ANKFN1: variants seen among roughly 807,000 people sequenced by gnomAD.
ANKFN1 encodes the protein ankyrin repeat and fibronectin type-III domain-containing protein 1.
In ANKFN1, 74 loss-of-function variants were observed where a neutral mutation model predicts 108.7. The observed-to-expected ratio is 0.68, with a 90% CI of 0.56 to 0.83. The LOEUF (loss-of-function observed/expected upper bound fraction) is 0.83. ANKFN1 is among the 40% of genes least tolerant of loss of function. The pLI, the probability that ANKFN1 is intolerant of heterozygous loss-of-function variation, is 0.00. For synonymous variants in ANKFN1, 547 were observed against 516.2 expected, an observed-to-expected ratio of 1.06 and a Z score of -0.81; for missense variants, 1,505 against 1,382.3, an observed-to-expected ratio of 1.09 and a Z score of -1.41.
rs1383996748 is a variant in ANKFN1 at position 56,208,199 on chromosome 17, T to C, written c.-70-4399T>C. 2.6e-5 allele frequency among the ~76,000 whole-genome samples: 4 copies of C among 152,188 alleles called. No individual in the cohort carries two copies. The East Asian group carries it at 7.8e-4, about 30-fold the overall frequency. On this transcript the variant is annotated intron_variant, in intron 1 of 20. Coordinates refer to ENST00000682825, the MANE Select transcript of ANKFN1 (RefSeq NM_001370326.1). ...TGATTTTTTATATTTTTAGTAGAGATGGGGTTTCACCATGTTACCTGACCA... is the reference window on the plus strand; with the variant it reads ...TGATTTTTTATATTTTTAGTAGAGACGGGGTTTCACCATGTTACCTGACCA...
At chr17:56,307,748 G>C (rs12601903) in intron 3 of ANKFN1, among the ~76,000 whole-genome samples, 2 of 152,096 alleles carry the variant, frequency 1.3e-5, no homozygotes, top group South Asian at 4.1e-4. Flanking sequence ...AAAGGATTAT[G>C]AATCATGCTA....
At chr17:56,450,042 T>G (rs913579391) in intron 11 of ANKFN1, among the ~76,000 whole-genome samples, 6 of 152,182 alleles carry the variant, frequency 3.9e-5, no homozygotes, top group Non-Finnish European at 7.3e-5. Context: ...TTTGGAGAAT[T>G]AAAGCCTACA....
chr17:56,434,592 T>TA (rs1449082259), intron 8 of ANKFN1, among the ~76,000 whole-genome samples: 4 of 152,178 alleles, frequency 2.6e-5, no homozygotes, highest in Middle Eastern at 6.8e-3. Context: ...GAATTTAAAA[T>TA]AAAAAATGCA....
At chr17:56,104,274 CA>C (rs1297513350) in intron 4 of ANKFN1, among the ~76,000 whole-genome samples, 5 of 152,178 alleles carry the variant, frequency 3.3e-5, no homozygotes, top group African/African-American at 1.2e-4. Flanking sequence ...CAAGGCATTC[CA>C]ATACTTTCTT....
chr17:56,266,180 C>G lies in ANKFN1; in HGVS notation c.53+38223C>G, dbSNP rs567421201. Among the ~76,000 whole-genome samples the G allele has an allele frequency of 3.3e-5, 5 of 152,286 alleles. No individual in the cohort carries two copies. The South Asian group carries it at 1.0e-3, about 32-fold the overall frequency. ...ATTTGGAAATACAATCATTTGAACC[C>G]TGGGCTATTTATTGTCTCTTTAATT... On this transcript the variant is annotated intron_variant, in intron 3 of 20. Coordinates refer to ENST00000682825, the MANE Select transcript of ANKFN1 (RefSeq NM_001370326.1).
chr17:56,492,808 T>C (rs184771619), intron 19 of ANKFN1, among the ~76,000 whole-genome samples: 155 of 152,304 alleles, frequency 1.0e-3, no homozygotes, highest in Admixed American at 3.2e-3. Context: ...TGGGCTTCTT[T>C]CTCACAGAAT....
At chr17:56,382,353 C>T (rs1444521927) in intron 8 of ANKFN1, among the ~76,000 whole-genome samples, 7 of 152,176 alleles carry the variant, frequency 4.6e-5, no homozygotes, top group Non-Finnish European at 8.8e-5. Flanking sequence ...AAGGAACAAC[C>T]GGTACCAGCC....
chr17:56,480,526 A>G, intron 16 of ANKFN1, 142 bp from the exon 17 acceptor site: 1 of 887,328 alleles, frequency 1.1e-6, no homozygotes, highest in Non-Finnish European at 1.7e-6. Context: ...TGGGTGGCAA[A>G]ATGTTCAAAT....
At chr17:56,420,504 C>A (rs191881319) in intron 8 of ANKFN1, among the ~76,000 whole-genome samples, 24 of 152,168 alleles carry the variant, frequency 1.6e-4, no homozygotes, top group Admixed American at 1.4e-3. Flanking sequence ...GATATACTAT[C>A]TTTAGTATGA....
At chr17:56,416,548 G>C (rs892752642) in intron 8 of ANKFN1, among the ~76,000 whole-genome samples, 1 of 152,148 alleles carries the variant, frequency 6.6e-6, no homozygotes, top group Non-Finnish European at 1.5e-5. Context: ...CCAAAAGATA[G>C]GCAATAACAA....
At chr17:56,279,553 G>T (rs913369291) in intron 3 of ANKFN1, among the ~76,000 whole-genome samples, 2 of 152,038 alleles carry the variant, frequency 1.3e-5, no homozygotes, top group African/African-American at 4.8e-5. Flanking sequence ...TAACACACCT[G>T]GTCCTAATGC....
chr17:56,424,948 A>G (rs1029158441), intron 8 of ANKFN1, among the ~76,000 whole-genome samples: 1 of 152,190 alleles, frequency 6.6e-6, no homozygotes, highest in African/African-American at 2.4e-5. Context: ...AGATGGTGAC[A>G]GCTACATAAA....
At chr17:56,288,705 T>C (rs1009082106) in intron 3 of ANKFN1, among the ~76,000 whole-genome samples, 2 of 152,202 alleles carry the variant, frequency 1.3e-5, no homozygotes, top group East Asian at 1.9e-4. Flanking sequence ...ATTTCTCTTA[T>C]GGGCTAGCCC....
intron 8 of ANKFN1, among the ~76,000 whole-genome samples, chr17:56,399,841 TTTTATA>T (rs1256560631): frequency 0.032 from 1,419 of 43,998 alleles, 34 homozygotes; most frequent in African/African-American, 0.11. Context: ...GTATTCCATT[TTTTATA>T]TATATATATA....
At chr17:56,106,206 A>G (rs1905748930) in intron 4 of ANKFN1, among the ~76,000 whole-genome samples, 1 of 152,150 alleles carries the variant, frequency 6.6e-6, no homozygotes, top group African/African-American at 2.4e-5. Flanking sequence ...TCACACAGCC[A>G]GGACTCCAAC....
At chr17:56,368,535 C>T (rs143128632) in intron 6 of ANKFN1, among the ~76,000 whole-genome samples, 4,317 of 151,898 alleles carry the variant, frequency 0.028, 208 homozygotes, top group African/African-American at 0.1. Context: ...CTGCCTCAGC[C>T]TCCCAAAGTG....
chr17:56,307,715 A>G (rs1158248850), intron 3 of ANKFN1, among the ~76,000 whole-genome samples: 16 of 152,236 alleles, frequency 1.1e-4, no homozygotes. Context: ...TGACCCAGCC[A>G]TCCCATTACT....
chr17:56,288,535 T>C (rs1272935388), intron 3 of ANKFN1, among the ~76,000 whole-genome samples: 1 of 152,176 alleles, frequency 6.6e-6, no homozygotes, highest in Non-Finnish European at 1.5e-5. Flanking sequence ...GATAAAAGTA[T>C]ATGTTGGAGA....
At chr17:56,077,937 A>T (rs1905200115) in intron 4 of ANKFN1, among the ~76,000 whole-genome samples, 1 of 152,122 alleles carries the variant, frequency 6.6e-6, no homozygotes, top group Admixed American at 6.6e-5. Flanking sequence ...TCTTAAGAAG[A>T]AGTTTTTGTT....
Sources: allele counts gnomAD v4.1 joint callset (sites outside exome capture counted in the v4.1 genomes callset), GRCh38; gene constraint gnomAD v4.1.1; transcripts MANE v1.5; gene names NCBI Gene and HGNC (gene_info 2026-07-23, HGNC 2026-07-21).